Variants in CWC22 observed in about 807,000 individuals in gnomAD.
CWC22 encodes CWC22 spliceosome associated protein.
Under a neutral mutation model 117.2 loss-of-function variants are expected in CWC22, and 53 were observed. The ratio of observed to expected loss-of-function variants is 0.45; its 90% CI spans 0.36 to 0.57. CWC22 has a LOEUF of 0.57. Among genes scored for constraint, CWC22 ranks in the 20% least tolerant of loss-of-function variants. CWC22 has a pLI of 0.00. For missense variants in CWC22, 980 were observed against 1,068.8 expected (o/e 0.92, Z 1.16); for synonymous variants, 360 against 355.6 (o/e 1.01, Z -0.14).
At chr2:179,999,499 A>G (rs1169929474) in intron 1 of CWC22, among the ~76,000 whole-genome samples, 1 of 152,230 alleles carries the variant, frequency 6.6e-6, no homozygotes, top group Non-Finnish European at 1.5e-5. Flanking sequence ...AATAACATAT[A>G]TAAGTACGTC....
At chr2:179,968,833 T>G (rs1306329307) in intron 11 of CWC22, among the ~76,000 whole-genome samples, 1 of 152,148 alleles carries the variant, frequency 6.6e-6, no homozygotes, top group African/African-American at 2.4e-5. Flanking sequence ...CCCAAAATGC[T>G]GGAATTACAG....
chr2:179,948,992 G>T (rs776236494), intron 19 of CWC22, among the ~76,000 whole-genome samples: 6 of 152,180 alleles, frequency 3.9e-5, no homozygotes, highest in Admixed American at 2.0e-4. Flanking sequence ...GAAATTCTCT[G>T]TACTGTTTTT....
chr2:179,950,965 T>C, intron 17 of CWC22, 39 bp from the exon 18 acceptor site: 1 of 1,255,008 alleles, frequency 8.0e-7, no homozygotes, highest in Non-Finnish European at 1.1e-6. Context: ...AACACATTGC[T>C]TAAAGATAAA....
At chr2:179,995,622 T>C (rs907140136) in intron 1 of CWC22, among the ~76,000 whole-genome samples, 1 of 152,182 alleles carries the variant, frequency 6.6e-6, no homozygotes, top group South Asian at 2.1e-4. Context: ...AGGAAGTTCC[T>C]ACTGAACCTA....
chr2:179,993,179 C>A (rs917707220), intron 2 of CWC22, 136 bp downstream of exon 2: 21 of 644,700 alleles, frequency 3.3e-5, no homozygotes, highest in African/African-American at 2.6e-4. Flanking sequence ...GCAAAAACTG[C>A]AATTACTTTT....
At chr2:179,966,006 G>T in intron 11 of CWC22, 24 bp from the exon 12 acceptor site, 1 of 1,571,448 alleles carries the variant, frequency 6.4e-7, no homozygotes. Flanking sequence ...AGTAAGTTTA[G>T]GAAAAAAATG....
chr2:179,981,055 G>A (rs1294794135), intron 5 of CWC22, among the ~76,000 whole-genome samples: 1 of 152,172 alleles, frequency 6.6e-6, no homozygotes, highest in East Asian at 1.9e-4. Context: ...GTCTGCCTTA[G>A]AGTAGCAAAA....
At chr2:179,965,032 C>A (rs1409199542) in intron 12 of CWC22, among the ~76,000 whole-genome samples, 4 of 152,030 alleles carry the variant, frequency 2.6e-5, no homozygotes, top group Non-Finnish European at 5.9e-5. Flanking sequence ...TCACGACAGG[C>A]TGGATGAGTC....
chr2:179,978,582 T>G (rs1172678473), intron 5 of CWC22, among the ~76,000 whole-genome samples: 2 of 152,104 alleles, frequency 1.3e-5, no homozygotes, highest in African/African-American at 4.8e-5. Flanking sequence ...GGATAACATT[T>G]TGTTCTTATG....
chr2:179,955,296 T>C (rs1481324421), intron 14 of CWC22, among the ~76,000 whole-genome samples: 1 of 151,914 alleles, frequency 6.6e-6, no homozygotes, highest in Non-Finnish European at 1.5e-5. Flanking sequence ...ATGAACCACA[T>C]CAAGAAAATC....
Position 179,973,648 on chromosome 2 carries a change from G to T in CWC22, c.736C>A (p.Arg246=). ...RLILNFRKGY[R]RNDKQLCLTA... Reference sequence around the variant, plus strand: ...TTCATATATACCTTGTCATTTCTTCGATAGCCTTTTCGAAAATTAAGAATT... The same window carrying T: ...TTCATATATACCTTGTCATTTCTTCTATAGCCTTTTCGAAAATTAAGAATT... The change falls in exon 7 of 20, where the codon CGA becomes AGA. Residue 246 remains arginine (R), a synonymous_variant. Coordinates refer to ENST00000410053, the MANE Select transcript of CWC22 (RefSeq NM_020943.3). 1 of 1,598,570 alleles carries T rather than the reference G, an allele frequency of 6.3e-7. No individual in the cohort carries two copies. The highest frequency in any genetic ancestry group is 8.5e-7 in the Non-Finnish European group (1 of 1,170,084).
At position 179,959,444 on chromosome 2, in the gene CWC22, T is replaced by A. The variant is rs546944532; in HGVS notation, c.1398-362A>T. Among the ~76,000 whole-genome samples, 456 of 152,268 alleles carry A rather than the reference T, an allele frequency of 3.0e-3. 3 individuals are homozygous for A. Among genetic ancestry groups the A allele is most frequent in the Non-Finnish European group, 4.7e-3 (319 of 67,986 alleles). ...GTTTAGTTTAGAGTAATAGAAATGT[T>A]CCGGAATTAGACAATGATGATGGTT... On this transcript the variant is annotated intron_variant, in intron 13 of 19. Transcript: ENST00000410053.
At chr2:179,947,667 T>A (rs1208965771) in intron 19 of CWC22, among the ~76,000 whole-genome samples, 1 of 152,218 alleles carries the variant, frequency 6.6e-6, no homozygotes, top group Non-Finnish European at 1.5e-5. Context: ...AAATGAACAA[T>A]GTTTGTACAC....
chr2:179,981,278 G>A (rs528399048), intron 5 of CWC22, among the ~76,000 whole-genome samples: 7 of 152,144 alleles, frequency 4.6e-5, no homozygotes, highest in East Asian at 1.9e-4. Flanking sequence ...TTTCAAGAGC[G>A]GAGTTAAGTA....
At chr2:179,991,545 C>T (rs142064610) in intron 2 of CWC22, among the ~76,000 whole-genome samples, 1 of 152,250 alleles carries the variant, frequency 6.6e-6, no homozygotes, top group Non-Finnish European at 1.5e-5. Context: ...GAAAATGCTA[C>T]AGGAGACCCA....
At chr2:179,964,519 A>C in intron 13 of CWC22, 28 bp downstream of exon 13, 1 of 1,335,700 alleles carries the variant, frequency 7.5e-7, no homozygotes, top group Non-Finnish European at 1.0e-6. Flanking sequence ...AAAACAAAAA[A>C]AGGATGAACT....
In CWC22 at chr2:179,973,751, G is replaced by A. The variant is rs749729348; in HGVS notation, c.633C>T (p.Phe211=). The part of the protein sequence containing the change: ...VLQAQSASPI[F]THVYAALVAI... ...CCACTAATGCTGCATAAACATGGGTGAAGATTGGAGAAGCACTCTGTGCTT... is the reference window on the plus strand; with the variant it reads ...CCACTAATGCTGCATAAACATGGGTAAAGATTGGAGAAGCACTCTGTGCTT... Residue 211 remains phenylalanine, a synonymous_variant, in exon 7 of 20, where the codon TTC becomes TTT. Coordinates refer to ENST00000410053, the MANE Select transcript of CWC22 (RefSeq NM_020943.3). 1.9e-6 allele frequency: 3 copies of A among 1,611,352 alleles called. No homozygotes were observed. The highest frequency in any genetic ancestry group is 1.7e-5 in the Admixed American group (1 of 59,712).
intron 15 of CWC22, 59 bp from the exon 16 acceptor site, chr2:179,954,416 T>C: frequency 9.4e-7 from 1 of 1,067,628 alleles, no homozygotes; most frequent in Non-Finnish European, 1.3e-6. Flanking sequence ...TATGAGCATA[T>C]TAAATCCTAA....
At chr2:179,978,353 TAATTAC>T (rs1300716930) in intron 5 of CWC22, 35 bp from the exon 6 acceptor site, 1 of 1,415,336 alleles carries the variant, frequency 7.1e-7, no homozygotes, top group Non-Finnish European at 9.2e-7. Flanking sequence ...GATTAAAACT[TAATTAC>T]AATAATAAGA....
Sources: allele counts gnomAD v4.1 joint callset (sites outside exome capture counted in the v4.1 genomes callset), GRCh38; gene constraint gnomAD v4.1.1; transcripts MANE v1.5; gene names NCBI Gene and HGNC (gene_info 2026-07-23, HGNC 2026-07-21).